Variants in GATAD2A observed in about 807,000 individuals in gnomAD.
GATAD2A encodes the protein transcriptional repressor p66-alpha.
In GATAD2A, 12 loss-of-function variants were observed where a neutral mutation model predicts 68.5. The ratio of observed to expected loss-of-function variants is 0.18; its 90% CI spans 0.11 to 0.28. The LOEUF (loss-of-function observed/expected upper bound fraction) is 0.28. Among genes scored for constraint, GATAD2A ranks in the 10% least tolerant of loss-of-function variants. The pLI is 1.00. For missense variants in GATAD2A, 755 were observed against 868.5 expected, an observed-to-expected ratio of 0.87 and a Z score of 1.64; for synonymous variants, 410 against 375.3, an observed-to-expected ratio of 1.09 and a Z score of -1.07.
At chr19:19,402,060 GTTA>G (rs927964130), upstream of GATAD2A, 11 of 152,046 alleles carry the variant, frequency 7.2e-5, no homozygotes, top group East Asian at 3.9e-4. Flanking sequence ...GAAGTTTTTT[GTTA>G]TTGTTGTTGT....
At chr19:19,492,060 TGGC>T (rs2059830357) in intron 2 of GATAD2A, among the ~76,000 whole-genome samples, 2 of 152,196 alleles carry the variant, frequency 1.3e-5, no homozygotes, top group African/African-American at 4.8e-5. Context: ...CCTGGCGACA[TGGC>T]GGCAGGCATG....
chr19:19,408,038 T>C (rs1330647485), intron 1 of GATAD2A, among the ~76,000 whole-genome samples: 2 of 152,266 alleles, frequency 1.3e-5, no homozygotes, highest in African/African-American at 4.8e-5. Flanking sequence ...GGAGTCTCGC[T>C]CTGTCATCCA....
chr19:19,389,810 G>A (rs991729635), intron 1 of GATAD2A, among the ~76,000 whole-genome samples: 1 of 152,068 alleles, frequency 6.6e-6, no homozygotes, highest in African/African-American at 2.4e-5. Flanking sequence ...TCACTCAGGC[G>A]GGAGTGCAGT....
intron 5 of GATAD2A, among the ~76,000 whole-genome samples, 196 bp from the exon 6 acceptor site, chr19:19,495,558 C>T (rs546876842): frequency 2.6e-4 from 40 of 151,166 alleles, no homozygotes; most frequent in Admixed American, 2.3e-3. Context: ...CTGCCTACCT[C>T]GGCCTCACAA....
chr19:19,392,469 T>C (rs1482960372), intron 1 of GATAD2A, among the ~76,000 whole-genome samples: 1 of 151,302 alleles, frequency 6.6e-6, no homozygotes, highest in Non-Finnish European at 1.5e-5. Flanking sequence ...CTTGGCTCAC[T>C]GCAACCTCCA....
At chr19:19,427,982 C>T (rs1328991696) in intron 1 of GATAD2A, 1 of 152,214 alleles carries the variant, frequency 6.6e-6, no homozygotes, top group Admixed American at 6.5e-5. Context: ...CCACCGTACC[C>T]AGCCTCGAAG....
At chr19:19,390,732 G>C (rs955360146) in intron 1 of GATAD2A, among the ~76,000 whole-genome samples, 1 of 152,114 alleles carries the variant, frequency 6.6e-6, no homozygotes, top group African/African-American at 2.4e-5. Context: ...TACGCCTAAG[G>C]GATCACATGC....
chr19:19,424,386 T>C (rs2052808357), intron 1 of GATAD2A, among the ~76,000 whole-genome samples: 1 of 152,158 alleles, frequency 6.6e-6, no homozygotes, highest in Admixed American at 6.5e-5. Context: ...TGAGCCAGCA[T>C]GCCCAGCTAA....
At chr19:19,435,144 A>G (rs764442718) in intron 1 of GATAD2A, 25 of 531,570 alleles carry the variant, frequency 4.7e-5, no homozygotes, top group Non-Finnish European at 4.7e-5. Flanking sequence ...ACCTGCCTCT[A>G]CGGTTGCCTT....
At chr19:19,479,588 T>C (rs985628756) in intron 2 of GATAD2A, among the ~76,000 whole-genome samples, 1 of 152,216 alleles carries the variant, frequency 6.6e-6, no homozygotes, top group African/African-American at 2.4e-5. Context: ...TGTCAGTGCA[T>C]TGGGATTTGT....
At chr19:19,409,485 CCTG>C (rs2050670747) in intron 1 of GATAD2A, among the ~76,000 whole-genome samples, 2 of 152,066 alleles carry the variant, frequency 1.3e-5, no homozygotes, top group African/African-American at 4.8e-5. Context: ...AACTATGCTG[CCTG>C]CTAAGTGTGG....
At chr19:19,457,098 T>TGCCA (rs1465362356) in intron 1 of GATAD2A, 1 of 985,344 alleles carries the variant, frequency 1.0e-6, no homozygotes, top group East Asian at 1.1e-4. Context: ...AGCACTCCTA[T>TGCCA]CTGTGACACC....
At chr19:19,401,507 C>G (rs930129758), upstream of GATAD2A, among the ~76,000 whole-genome samples, 2 of 151,992 alleles carry the variant, frequency 1.3e-5, no homozygotes. Flanking sequence ...GCCACTGCGC[C>G]CGGCTGATTC....
intron 2 of GATAD2A, among the ~76,000 whole-genome samples, chr19:19,465,933 G>C (rs2057831421): frequency 6.6e-6 from 1 of 152,220 alleles, no homozygotes; most frequent in African/African-American, 2.4e-5. Context: ...CTTTTGGTTT[G>C]TAGGGACACT....
At chr19:19,487,195 C>G (rs1436644022) in intron 2 of GATAD2A, among the ~76,000 whole-genome samples, 1 of 152,202 alleles carries the variant, frequency 6.6e-6, no homozygotes, top group African/African-American at 2.4e-5. Flanking sequence ...GTGGTATCAC[C>G]CCAGGGCTGG....
chr19:19,490,763 G>A (rs183795297), intron 2 of GATAD2A, among the ~76,000 whole-genome samples: 1 of 152,290 alleles, frequency 6.6e-6, no homozygotes, highest in East Asian at 1.9e-4. Flanking sequence ...GTGCATGCCT[G>A]TAATCCAGCT....
intron 1 of GATAD2A, among the ~76,000 whole-genome samples, chr19:19,425,103 A>G (rs566602746): frequency 4.6e-5 from 7 of 151,944 alleles, no homozygotes; most frequent in Non-Finnish European, 7.4e-5. Context: ...AAAACTTGCC[A>G]TAAGAATAGA....
intron 8 of GATAD2A, among the ~76,000 whole-genome samples, chr19:19,500,455 C>CA (rs1018438013): frequency 4.0e-5 from 6 of 151,876 alleles, no homozygotes; most frequent in African/African-American, 1.5e-4. Context: ...GTGCTGAACA[C>CA]AAAAAAGGTC....
chr19:19,387,768 T>A (rs2048547897), intron 1 of GATAD2A, among the ~76,000 whole-genome samples: 1 of 152,188 alleles, frequency 6.6e-6, no homozygotes, highest in Non-Finnish European at 1.5e-5. Context: ...AAATGCTCTA[T>A]GGATCCTGCA....
Sources: gnomAD v4.1 joint callset for allele counts (sites outside exome capture counted in the v4.1 genomes callset) on GRCh38, gnomAD v4.1.1 for gene constraint, MANE v1.5 for transcripts, NCBI Gene and HGNC (gene_info 2026-07-23, HGNC 2026-07-21) for gene names.